AKR1C3: variants seen among roughly 807,000 people sequenced by gnomAD.
AKR1C3 encodes 3-alpha hydroxysteroid dehydrogenase, type II.
A neutral mutation model predicts 43.6 loss-of-function variants in AKR1C3; 48 were observed. The observed-to-expected ratio is 1.10, with a 90% CI of 0.87 to 1.40. The LOEUF is 1.40. Among genes scored for constraint, AKR1C3 ranks in the 40% most tolerant of loss-of-function variants. The pLI, the probability that AKR1C3 is intolerant of heterozygous loss-of-function variation, is 0.00. For missense variants in AKR1C3, 482 were observed against 391.2 expected (o/e 1.23, Z -1.96); for synonymous variants, 162 against 139.6 (o/e 1.16, Z -1.13).
Position 5,107,638 on chromosome 10 carries a change from C to A in AKR1C3, c.*135C>A. On this transcript the variant is annotated 3_prime_UTR_variant, in exon 9 of 9. Coordinates refer to ENST00000380554, the MANE Select transcript of AKR1C3 (RefSeq NM_003739.6). Reference sequence around the variant, plus strand: ...GTTTAGCGACTTCAGTCAACTACAGCTGAGTCCATAGGCCAGAAAGACAAT... The same window carrying A: ...GTTTAGCGACTTCAGTCAACTACAGATGAGTCCATAGGCCAGAAAGACAAT... 1 of 645,112 alleles carries A rather than the reference C, an allele frequency of 1.6e-6. No homozygotes were observed. The allele number at this position is 645,112 out of a possible 1,614,324, so 40.0% of individuals were successfully genotyped here.
In AKR1C3 at chr10:5,068,884, C is replaced by T. The variant is rs183318593; in HGVS notation, c.84+19989C>T. Among the ~76,000 whole-genome samples the T allele has an allele frequency of 7.9e-5, 12 of 152,342 alleles. No individual in the cohort carries two copies. The East Asian group carries it at 1.7e-3, about 22-fold the overall frequency. ...GCAGGCAAGTTAAACAAATTTCAAA[C>T]ACCAAAGAAGCAGTTTATGACCTTA... On this transcript the variant is annotated intron_variant, in intron 1 of 8. Transcript: ENST00000439082.
At chr10:5,054,121 C>T (rs928465098) in intron 1 of AKR1C3, among the ~76,000 whole-genome samples, 1 of 152,292 alleles carries the variant, frequency 6.6e-6, no homozygotes, top group African/African-American at 2.4e-5. Context: ...AGTGTGAAAA[C>T]AACACTCTTC....
intron 1 of AKR1C3, chr10:5,096,205 C>A (rs782545803): frequency 1.9e-6 from 1 of 540,080 alleles, no homozygotes; most frequent in Non-Finnish European, 3.2e-6. Flanking sequence ...CAGTGATCAA[C>A]CAGAGATTGC....
chr10:5,075,363 A>G (rs1242577786), intron 1 of AKR1C3, among the ~76,000 whole-genome samples: 1 of 152,188 alleles, frequency 6.6e-6, no homozygotes, highest in Non-Finnish European at 1.5e-5. Context: ...GGCCCCCACC[A>G]GCATGATCGC....
chr10:5,086,008 G>C (rs1838956747), intron 1 of AKR1C3, among the ~76,000 whole-genome samples: 1 of 151,400 alleles, frequency 6.6e-6, no homozygotes, highest in African/African-American at 2.4e-5. Context: ...CAATTTTGTT[G>C]ATCTTTTCAA....
At chr10:5,048,858 T>C (rs2131765006) in exon 1 of AKR1C3, 2 of 1,614,058 alleles carry the variant, frequency 1.2e-6, no homozygotes, top group East Asian at 4.5e-5. Context: ...GGTCACTTCA[T>C]GCCTGTCCTG....
At chr10:5,098,381 A>G (rs959263358) in intron 3 of AKR1C3, among the ~76,000 whole-genome samples, 9 of 152,120 alleles carry the variant, frequency 5.9e-5, no homozygotes, top group African/African-American at 1.2e-4. Flanking sequence ...TGCTGACCCT[A>G]TGTGATTCAC....
At chr10:5,102,432 C>T in intron 6 of AKR1C3, 53 bp from the exon 7 acceptor site, 1 of 1,249,022 alleles carries the variant, frequency 8.0e-7, no homozygotes, top group Non-Finnish European at 1.1e-6. Flanking sequence ...AGGGAGCCGC[C>T]TAACAAACTA....
At chr10:5,082,223 C>T (rs1838852629) in intron 1 of AKR1C3, among the ~76,000 whole-genome samples, 1 of 152,096 alleles carries the variant, frequency 6.6e-6, no homozygotes, top group African/African-American at 2.4e-5. Context: ...ATAATCCTGT[C>T]ATCAGCAAAC....
chr10:5,106,952 A>G (rs4242785), intron 8 of AKR1C3, among the ~76,000 whole-genome samples: 118,600 of 151,990 alleles, frequency 0.78, 46,427 homozygotes, highest in East Asian at 0.87. Context: ...AAGGAAGAGT[A>G]GCGAGCATGA....
At chr10:5,082,933 C>G (rs1182442582) in intron 1 of AKR1C3, among the ~76,000 whole-genome samples, 1 of 152,074 alleles carries the variant, frequency 6.6e-6, no homozygotes, top group Non-Finnish European at 1.5e-5. Context: ...CGCTATTTTT[C>G]ACTAGAAAAT....
chr10:5,073,670 G>A (rs1838655388), intron 1 of AKR1C3, among the ~76,000 whole-genome samples: 1 of 152,268 alleles, frequency 6.6e-6, no homozygotes, highest in South Asian at 2.1e-4. Context: ...TATTTGATTA[G>A]TACCAAGGAG....
At chr10:5,056,372 G>C (rs1184117061) in intron 1 of AKR1C3, among the ~76,000 whole-genome samples, 1 of 152,172 alleles carries the variant, frequency 6.6e-6, no homozygotes, top group Non-Finnish European at 1.5e-5. Context: ...AGAGAGCAGG[G>C]TATAGGGATT....
chr10:5,107,138 A>G (rs7917546), intron 8 of AKR1C3, among the ~76,000 whole-genome samples: 30,511 of 152,164 alleles, frequency 0.2, 3,956 homozygotes, highest in East Asian at 0.63. Context: ...CATACAGTAG[A>G]CAGTAGCAGG....
intron 1 of AKR1C3, among the ~76,000 whole-genome samples, chr10:5,085,428 A>T (rs11252928): frequency 0.32 from 48,541 of 151,610 alleles, 8,549 homozygotes; most frequent in Non-Finnish European, 0.36. Context: ...GATGAAGCCC[A>T]CTTGATTATG....
chr10:5,061,198 C>G (rs1838376782), intron 1 of AKR1C3, among the ~76,000 whole-genome samples: 1 of 152,208 alleles, frequency 6.6e-6, no homozygotes. Flanking sequence ...AGCACACTGT[C>G]ACCTCTCAGT....
At chr10:5,074,713 G>C (rs1340051802) in intron 1 of AKR1C3, among the ~76,000 whole-genome samples, 3 of 152,128 alleles carry the variant, frequency 2.0e-5, no homozygotes, top group Non-Finnish European at 2.9e-5. Flanking sequence ...AAATAAGATG[G>C]CTACAAGATG....
intron 1 of AKR1C3, among the ~76,000 whole-genome samples, chr10:5,065,038 A>C (rs1238021678): frequency 6.6e-6 from 1 of 152,238 alleles, no homozygotes; most frequent in East Asian, 1.9e-4. Context: ...TCATTAGAGA[A>C]ATGTAAATCA....
At chr10:5,059,979 T>G (rs552152451) in intron 1 of AKR1C3, among the ~76,000 whole-genome samples, 18 of 152,234 alleles carry the variant, frequency 1.2e-4, no homozygotes, top group African/African-American at 3.4e-4. Context: ...GTTTGGAGTT[T>G]ATTCCTTCTG....
Sources: allele counts gnomAD v4.1 joint callset (sites outside exome capture counted in the v4.1 genomes callset), GRCh38; gene constraint gnomAD v4.1.1; transcripts MANE v1.5; gene names NCBI Gene and HGNC (gene_info 2026-07-23, HGNC 2026-07-21).